Variants in GNA12 observed in about 807,000 individuals in gnomAD.
The protein encoded by GNA12 is guanine nucleotide-binding protein subunit alpha-12.
In GNA12, 9 loss-of-function variants were observed where a neutral mutation model predicts 26.0. That is an observed-to-expected ratio of 0.35 (90% CI 0.21 to 0.60). The LOEUF (loss-of-function observed/expected upper bound fraction) is 0.60, where lower values mean the gene tolerates loss of function less well. Among genes scored for constraint, GNA12 ranks in the 20% least tolerant of loss-of-function variants. The probability of loss-of-function intolerance (pLI) is 0.78; values close to 1 mark genes in which losing one functional copy is unlikely to be tolerated. For missense variants in GNA12, 405 were observed against 525.8 expected, an observed-to-expected ratio of 0.77 and a Z score of 2.25; for synonymous variants, 264 against 219.6, an observed-to-expected ratio of 1.20 and a Z score of -1.79.
chr7:2,732,554 G>A (rs889795554), intron 3 of GNA12, among the ~76,000 whole-genome samples: 4 of 151,974 alleles, frequency 2.6e-5, no homozygotes, highest in African/African-American at 9.7e-5. Context: ...TCAAAAAATC[G>A]AAAAACAAAA....
chr7:2,738,972 C>A (rs574562639), intron 2 of GNA12, among the ~76,000 whole-genome samples: 1 of 152,308 alleles, frequency 6.6e-6, no homozygotes, highest in South Asian at 2.1e-4. Flanking sequence ...GCCTGGCACA[C>A]AGCCACCCCT....
At chr7:2,828,305 C>T (rs1251158792) in intron 1 of GNA12, among the ~76,000 whole-genome samples, 1 of 152,214 alleles carries the variant, frequency 6.6e-6, no homozygotes, top group Non-Finnish European at 1.5e-5. Flanking sequence ...TATAAAATAA[C>T]TATCACCAAT....
chr7:2,822,317 C>T (rs1396680243), intron 1 of GNA12, among the ~76,000 whole-genome samples: 2 of 152,224 alleles, frequency 1.3e-5, no homozygotes, highest in Non-Finnish European at 2.9e-5. Context: ...GATCTACCTA[C>T]TGGAACTAGC....
chr7:2,736,640 G>A lies in GNA12; in HGVS notation c.526-3139C>T, dbSNP rs527605559. On this transcript the variant is annotated intron_variant, in intron 2 of 3. Coordinates refer to ENST00000275364, the MANE Select transcript of GNA12 (RefSeq NM_007353.3). ...CGTGACACTGGGCAGGACCTAGGCC[G>A]ACACACGCCCATGAGGAGACCGCCT... Among the ~76,000 whole-genome samples, 62 of 152,310 alleles carry A rather than the reference G, an allele frequency of 4.1e-4. 2 individuals carry two copies. The South Asian group carries it at 6.6e-3, about 16-fold the overall frequency.
intron 2 of GNA12, among the ~76,000 whole-genome samples, chr7:2,777,396 T>C (rs1186675582): frequency 6.6e-6 from 1 of 152,216 alleles, no homozygotes; most frequent in Non-Finnish European, 1.5e-5. Context: ...TGTTTGGAAA[T>C]GGAAAGGAAG....
intron 2 of GNA12, among the ~76,000 whole-genome samples, chr7:2,742,981 G>C (rs1328040901): frequency 6.6e-6 from 1 of 152,226 alleles, no homozygotes; most frequent in African/African-American, 2.4e-5. Flanking sequence ...TGAGCCACAG[G>C]CATGGTGGTG....
At chr7:2,737,363 A>G (rs1015212118) in intron 2 of GNA12, among the ~76,000 whole-genome samples, 4 of 131,036 alleles carry the variant, frequency 3.1e-5, no homozygotes, top group Non-Finnish European at 6.1e-5. Flanking sequence ...ATCTTGGCTC[A>G]CTGCAACCTC....
At chr7:2,735,802 C>T (rs1468396071) in intron 2 of GNA12, among the ~76,000 whole-genome samples, 2 of 152,196 alleles carry the variant, frequency 1.3e-5, no homozygotes, top group East Asian at 3.9e-4. Flanking sequence ...GGCCTCATCT[C>T]GAGAAACAGC....
At chr7:2,834,998 T>A (rs966832074) in intron 1 of GNA12, among the ~76,000 whole-genome samples, 1 of 152,152 alleles carries the variant, frequency 6.6e-6, no homozygotes, top group Admixed American at 6.5e-5. Flanking sequence ...TGACTATACA[T>A]CTGCATATAA....
chr7:2,820,401 CT>C lies in GNA12; in HGVS notation c.309+23451del, dbSNP rs35674433. 3.2e-3 allele frequency among the ~76,000 whole-genome samples: 409 copies of C among 126,326 alleles called. 2 individuals carry two copies. The highest frequency in any genetic ancestry group is 0.012 in the South Asian group (47 of 3,900). The allele number at this position is 126,326 out of a possible 152,430, so 82.9% of individuals were successfully genotyped here. On this transcript the variant is annotated intron_variant, in intron 1 of 3. Transcript: ENST00000275364. Reference sequence around the variant, plus strand: ...ATATGTGAGTTATAGCTCAATAAAGCTTTTTTTTTTTTTTTTTTAAGCTGAG... The same window carrying C: ...ATATGTGAGTTATAGCTCAATAAAGCTTTTTTTTTTTTTTTTTAAGCTGAG...
intron 1 of GNA12, among the ~76,000 whole-genome samples, chr7:2,826,447 A>G (rs1793487869): frequency 1.3e-5 from 2 of 152,140 alleles, no homozygotes; most frequent in Admixed American, 1.3e-4. Context: ...ACTGCACTTG[A>G]AATGAGTTGA....
intron 2 of GNA12, among the ~76,000 whole-genome samples, chr7:2,749,738 C>T (rs1162843385): frequency 6.6e-6 from 1 of 151,700 alleles, no homozygotes; most frequent in East Asian, 1.9e-4. Context: ...AATTTTAGAA[C>T]TAAAACACAC....
chr7:2,797,070 G>C (rs909385906), intron 1 of GNA12, among the ~76,000 whole-genome samples: 5 of 152,182 alleles, frequency 3.3e-5, no homozygotes, highest in African/African-American at 9.7e-5. Flanking sequence ...GCAATCTGAG[G>C]GACTCAGGCC....
chr7:2,812,368 G>T (rs538718064), intron 1 of GNA12, among the ~76,000 whole-genome samples: 4 of 152,172 alleles, frequency 2.6e-5, no homozygotes, highest in Non-Finnish European at 4.4e-5. Flanking sequence ...GGTGGCTCAC[G>T]CCTGTAATCC....
intron 2 of GNA12, among the ~76,000 whole-genome samples, chr7:2,755,894 C>T (rs1281431840): frequency 1.3e-5 from 2 of 152,114 alleles, no homozygotes; most frequent in East Asian, 3.8e-4. Context: ...TTTATGCTCC[C>T]CAAATTGATC....
intron 2 of GNA12, among the ~76,000 whole-genome samples, chr7:2,737,817 A>T (rs940828443): frequency 6.6e-6 from 1 of 152,244 alleles, no homozygotes; most frequent in African/African-American, 2.4e-5. Flanking sequence ...TTACTTAATA[A>T]ATAAATATTA....
At chr7:2,805,609 C>G (rs1040915017) in intron 1 of GNA12, among the ~76,000 whole-genome samples, 6 of 152,210 alleles carry the variant, frequency 3.9e-5, no homozygotes, top group Non-Finnish European at 8.8e-5. Flanking sequence ...GCCGCCTGCT[C>G]TCACGCAGCT....
intron 2 of GNA12, among the ~76,000 whole-genome samples, chr7:2,764,006 T>C (rs920819273): frequency 4.6e-5 from 7 of 152,206 alleles, no homozygotes; most frequent in African/African-American, 1.7e-4. Flanking sequence ...AAGTGAGGCT[T>C]GCCTATACTT....
chr7:2,803,387 G>A (rs1219268944), intron 1 of GNA12, among the ~76,000 whole-genome samples: 2 of 152,222 alleles, frequency 1.3e-5, no homozygotes, highest in African/African-American at 4.8e-5. Context: ...TGCAGGTCCC[G>A]TGGCAGGTGG....
Sources: gnomAD v4.1 joint callset for allele counts (sites outside exome capture counted in the v4.1 genomes callset) on GRCh38, gnomAD v4.1.1 for gene constraint, MANE v1.5 for transcripts, NCBI Gene and HGNC (gene_info 2026-07-23, HGNC 2026-07-21) for gene names.